Variants in SYT9 observed in about 807,000 individuals in gnomAD.
The protein encoded by SYT9 is synaptotagmin 9.
A neutral mutation model predicts 48.4 loss-of-function variants in SYT9; 22 were observed. That is an observed-to-expected ratio of 0.45 (90% CI 0.32 to 0.65). The LOEUF is 0.65. Ranked by LOEUF, SYT9 falls within the 30% of genes least tolerant of loss-of-function variation. The pLI, the probability that SYT9 is intolerant of heterozygous loss-of-function variation, is 0.03. For synonymous variants in SYT9, 265 were observed against 245.0 expected (o/e 1.08, Z -0.76); for missense variants, 577 against 622.0 (o/e 0.93, Z 0.77).
At chr11:7,318,277 GT>G (rs1849276518) in intron 3 of SYT9, among the ~76,000 whole-genome samples, 1 of 149,450 alleles carries the variant, frequency 6.7e-6, no homozygotes, top group African/African-American at 2.5e-5. Flanking sequence ...AATTCTTTAT[GT>G]TAATATATCT....
At chr11:7,300,523 T>A (rs1433628921) in intron 1 of SYT9, among the ~76,000 whole-genome samples, 1 of 152,228 alleles carries the variant, frequency 6.6e-6, no homozygotes, top group African/African-American at 2.4e-5. Context: ...AGTTATCTCA[T>A]CACATTCCTA....
intron 3 of SYT9, among the ~76,000 whole-genome samples, chr11:7,319,166 C>CTTTTTTTTT (rs36130335): frequency 7.8e-6 from 1 of 127,954 alleles, no homozygotes; most frequent in Non-Finnish European, 1.6e-5. Context: ...CCTATTTCTT[C>CTTTTTTTTT]TTTTTTTTTT....
At chr11:7,322,246 G>C (rs530828128) in intron 3 of SYT9, among the ~76,000 whole-genome samples, 1 of 152,300 alleles carries the variant, frequency 6.6e-6, no homozygotes, top group East Asian at 1.9e-4. Context: ...CCAGGCTGCT[G>C]CCAGCTTATA....
chr11:7,465,484 G>A (rs74836389), intron 6 of SYT9, among the ~76,000 whole-genome samples: 204 of 152,192 alleles, frequency 1.3e-3, no homozygotes, highest in African/African-American at 4.6e-3. Flanking sequence ...TCTCTCTATG[G>A]CCACAGTATT....
upstream of SYT9, among the ~76,000 whole-genome samples, chr11:7,249,802 T>C (rs1342161768): frequency 3.3e-5 from 5 of 152,212 alleles, no homozygotes; most frequent in Admixed American, 3.3e-4. Context: ...TGCACAAGGT[T>C]GGTTGCATAG....
upstream of SYT9, among the ~76,000 whole-genome samples, chr11:7,247,484 TAC>T (rs564629335): frequency 3.6e-3 from 545 of 149,368 alleles, 5 homozygotes; most frequent in African/African-American, 0.012. Context: ...CATATATATA[TAC>T]ACACACATAT....
chr11:7,245,040 T>C (rs1199741553), intron 1 of SYT9, among the ~76,000 whole-genome samples: 3 of 152,206 alleles, frequency 2.0e-5, no homozygotes, highest in Admixed American at 2.0e-4. Flanking sequence ...CTGAGCAATG[T>C]CACACAAAAA....
At chr11:7,452,120 C>A (rs1848064944) in intron 6 of SYT9, among the ~76,000 whole-genome samples, 1 of 146,160 alleles carries the variant, frequency 6.8e-6, no homozygotes, top group Non-Finnish European at 1.5e-5. Flanking sequence ...ATATTTAAAA[C>A]ACACACACAC....
At chr11:7,453,882 G>T (rs575351560) in intron 6 of SYT9, 1 of 537,998 alleles carries the variant, frequency 1.9e-6, no homozygotes, top group Non-Finnish European at 2.4e-6. Flanking sequence ...AGGCCAGGGC[G>T]CAGAGGGCAT....
chr11:7,250,081 C>G (rs934191076), upstream of SYT9, among the ~76,000 whole-genome samples: 21 of 152,124 alleles, frequency 1.4e-4, no homozygotes, highest in African/African-American at 5.1e-4. Context: ...TTCTACCTTT[C>G]CAATGATGAT....
rs1422335910 is a variant in SYT9 at position 7,303,027 on chromosome 11, G to A, written c.146-12G>A. On this transcript the variant is annotated splice_polypyrimidine_tract_variant and intron_variant, in intron 1 of 6. Coordinates refer to ENST00000318881, the MANE Select transcript of SYT9 (RefSeq NM_175733.4). ...ATGACCACACTGACCTTTGATCTTT[G>A]CTTCTTTGCAGATATCTCAGTGAGC... is the stretch of plus-strand genomic sequence containing the variant. The A allele has an allele frequency of 1.2e-6, 2 of 1,611,722 alleles. No homozygotes were observed. Among genetic ancestry groups the A allele is most frequent in the African/African-American group, 2.7e-5 (2 of 74,874 alleles).
At chr11:7,291,143 C>A (rs1848690617) in intron 1 of SYT9, among the ~76,000 whole-genome samples, 1 of 152,184 alleles carries the variant, frequency 6.6e-6, no homozygotes, top group Non-Finnish European at 1.5e-5. Flanking sequence ...CCCTCTAGGG[C>A]CTCCTTTTGG....
intron 3 of SYT9, among the ~76,000 whole-genome samples, chr11:7,415,127 C>T (rs1847216950): frequency 1.3e-5 from 2 of 152,000 alleles, no homozygotes; most frequent in Admixed American, 6.5e-5. Context: ...TTTAGAGGCA[C>T]GCCAGCAAAA....
At chr11:7,359,421 G>A (rs1314686945) in intron 3 of SYT9, among the ~76,000 whole-genome samples, 1 of 48,168 alleles carries the variant, frequency 2.1e-5, no homozygotes, top group Non-Finnish European at 4.2e-5. Flanking sequence ...CTGAGGAATC[G>A]CCACACTGAC....
At chr11:7,380,910 G>C (rs1015452558) in intron 3 of SYT9, among the ~76,000 whole-genome samples, 5 of 151,922 alleles carry the variant, frequency 3.3e-5, no homozygotes, top group Non-Finnish European at 5.9e-5. Context: ...TATATTGTTA[G>C]GCCTTATTGA....
At chr11:7,360,694 A>G (rs1293465458) in intron 3 of SYT9, among the ~76,000 whole-genome samples, 1 of 152,180 alleles carries the variant, frequency 6.6e-6, no homozygotes, top group African/African-American at 2.4e-5. Context: ...CAATTGGCCT[A>G]TAATTTTCCT....
chr11:7,316,702 CA>C (rs1849249773), intron 3 of SYT9, among the ~76,000 whole-genome samples: 1 of 152,196 alleles, frequency 6.6e-6, no homozygotes, highest in Non-Finnish European at 1.5e-5. Flanking sequence ...TAGATAATGA[CA>C]GTCTTTTTCA....
chr11:7,417,607 C>T (rs1847276505), intron 4 of SYT9, among the ~76,000 whole-genome samples: 1 of 152,300 alleles, frequency 6.6e-6, no homozygotes, highest in Non-Finnish European at 1.5e-5. Context: ...AGCTGGGGGG[C>T]CTGTTTTCAG....
intron 3 of SYT9, among the ~76,000 whole-genome samples, chr11:7,346,910 T>A (rs1016661527): frequency 1.3e-5 from 2 of 152,250 alleles, no homozygotes; most frequent in Non-Finnish European, 1.5e-5. Context: ...TATATGGTTG[T>A]GACACTATTT....
Sources: allele counts gnomAD v4.1 joint callset (sites outside exome capture counted in the v4.1 genomes callset), GRCh38; gene constraint gnomAD v4.1.1; transcripts MANE v1.5; gene names NCBI Gene and HGNC (gene_info 2026-07-23, HGNC 2026-07-21).